Variants in PRRT1 observed in about 807,000 individuals in gnomAD.
PRRT1 encodes proline rich transmembrane protein 1, also known as proline-rich transmembrane protein 1.
PRRT1 carries 8 observed loss-of-function variants against 22.6 expected under a neutral mutation model. The observed-to-expected ratio is 0.35, with a 90% confidence interval of 0.21 to 0.64. The LOEUF is 0.64. Among genes scored for constraint, PRRT1 ranks in the 30% least tolerant of loss-of-function variants. PRRT1 has a pLI of 0.69. For missense variants in PRRT1, 315 were observed against 444.5 expected (o/e 0.71, Z 2.62); for synonymous variants, 176 against 203.6 (o/e 0.86, Z 1.15).
At chr6:32,152,437 A>C (rs1342170813), upstream of PRRT1, among the ~76,000 whole-genome samples, 1 of 152,152 alleles carries the variant, frequency 6.6e-6, no homozygotes. Flanking sequence ...GATGGTCTGA[A>C]AAGTTCCCAG....
At position 32,150,561 on chromosome 6, in the gene PRRT1, A is replaced by T; in HGVS notation, c.365T>A (p.Leu122His). 3.7e-6 allele frequency: 5 copies of T among 1,360,088 alleles called. No individual in the cohort carries two copies. Among genetic ancestry groups the T allele is most frequent in the Non-Finnish European group, 4.7e-6 (5 of 1,059,546 alleles). 84.3% of individuals were successfully genotyped at this position (1,360,088 alleles called of 1,614,324 possible). A position where few individuals can be genotyped will look rare whatever the true frequency, so the allele number is the denominator to read the frequency against. ...YLQETRFEGP[L>H]PPPPPAAAAP... The stretch of plus-strand genomic sequence containing the variant: ...GGCGGCAGCGGGCGGCGGCGGGGGA[A>T]GTGGGCCCTCGAAGCGAGTCTCCTG... Residue 122 changes from leucine (L) to histidine (H), a missense_variant, in exon 2 of 4, where the codon CTT (leucine) becomes CAT (histidine). Leu to His is a moderately conservative substitution (Grantham distance 99). Around this residue, in one of 4 missense-constraint regions of PRRT1, gnomAD observed 263 missense variants for 328.5 expected, o/e 0.80. Coordinates refer to ENST00000211413, the MANE Select transcript of PRRT1 (RefSeq NM_030651.4). The surrounding 1 kb of genome is among the most constrained non-coding windows in gnomAD (Gnocchi z 7.2).
Position 32,149,076 on chromosome 6 carries a change from C to T in PRRT1, c.*146G>A. 1 of 891,670 alleles carries T rather than the reference C, an allele frequency of 1.1e-6. No homozygotes were observed. The highest frequency in any genetic ancestry group is 1.8e-6 in the Non-Finnish European group (1 of 548,004). 55.2% of individuals were successfully genotyped at this position (891,670 alleles called of 1,614,324 possible). A position where few individuals can be genotyped will look rare whatever the true frequency, so the allele number is the denominator to read the frequency against. On this transcript the variant is annotated 3_prime_UTR_variant, in exon 4 of 4. Coordinates refer to ENST00000211413, the MANE Select transcript of PRRT1 (RefSeq NM_030651.4). The surrounding 1 kb of genome is among the most constrained non-coding windows in gnomAD (Gnocchi z 8.7). ...TTCCGAGCTTGCTCGCAAGGCGAGA[C>T]GTTCCGTGGAGGCGGAGTTTACGAT...
chr6:32,151,951 C>CGCGGGGGGGGGGG, upstream of PRRT1: 2 of 214,882 alleles, frequency 9.3e-6, no homozygotes, highest in Non-Finnish European at 8.4e-6. Flanking sequence ...AAGGCAGCGG[C>CGCGGGGGGGGGGG]GGGGGGGGGG....
At chr6:32,151,568 C>T (rs777928921) in intron 1 of PRRT1, 2 of 584,762 alleles carry the variant, frequency 3.4e-6, no homozygotes, top group Non-Finnish European at 6.1e-6. Flanking sequence ...CCTCCTTCAC[C>T]CTCTCAACCT....
chr6:32,151,389 A>C (rs911218473), intron 1 of PRRT1: 5 of 403,468 alleles, frequency 1.2e-5, no homozygotes, highest in African/African-American at 2.1e-5. Flanking sequence ...CTCTGTGAGA[A>C]TCTCGGGACC....
Position 32,149,582 on chromosome 6 carries a change from A to T in PRRT1, c.699T>A (p.Cys233Ter). The T allele has an allele frequency of 1.2e-6, 2 of 1,613,096 alleles. No homozygotes were observed. The highest frequency in any genetic ancestry group is 1.7e-6 in the Non-Finnish European group (2 of 1,180,026). ...CAATGATGCCAGTAGGCCAGAAGCA[A>T]CAGATGGTGGTCAGCACCGCGATGG... is the stretch of plus-strand genomic sequence containing the variant. The part of the protein sequence containing the change: ...YMPIAVLTTI[C>*]CFWPTGIIAI... The change falls in exon 3 of 4, where the codon TGT becomes TGA. Residue 233 changes from cysteine to a stop codon, truncating the protein, a stop_gained. Coordinates refer to ENST00000211413, the MANE Select transcript of PRRT1 (RefSeq NM_030651.4). LOFTEE classifies it high-confidence loss of function. The surrounding 1 kb of genome is among the most constrained non-coding windows in gnomAD (Gnocchi z 8.7).
In PRRT1 at chr6:32,149,508, C is replaced by T. The variant is rs1440571856; in HGVS notation, c.744+29G>A. 3 of 1,612,136 alleles carry T rather than the reference C, an allele frequency of 1.9e-6. No individual in the cohort carries two copies. The highest frequency in any genetic ancestry group is 1.3e-5 in the African/African-American group (1 of 74,918). On this transcript the variant is annotated intron_variant, in intron 3 of 3. Transcript: ENST00000211413. This position sits in a 1 kb window ranked among gnomAD's most constrained non-coding sequence, Gnocchi z 8.7. ...ACGCCCAGAACTCCCTGTCCCCGCCCCCAAACCGAGTATGCCCCTGCCCCC... is the reference window on the plus strand; with the variant it reads ...ACGCCCAGAACTCCCTGTCCCCGCCTCCAAACCGAGTATGCCCCTGCCCCC...
rs1783130781 is a variant in PRRT1, at chr6:32,149,312, G to C, written c.831C>G (p.Ala277=). ...AGAGCACCATGGCCGCGATGCCCAC[G>C]GCCAGGGAGATGAAGGAGAAGTTCC... The part of the protein sequence containing the change: ...EARNFSFISL[A]VGIAAMVLCT... Residue 277 remains alanine, a synonymous_variant, in exon 4 of 4, where the codon GCC becomes GCG. Coordinates refer to ENST00000211413, the MANE Select transcript of PRRT1 (RefSeq NM_030651.4). The surrounding 1 kb of genome is among the most constrained non-coding windows in gnomAD (Gnocchi z 8.7). 5 of 1,610,398 alleles carry C rather than the reference G, an allele frequency of 3.1e-6. 1 individual carries two copies. The East Asian group carries it at 1.1e-4, about 36-fold the overall frequency.
chr6:32,148,466 G>A lies in PRRT1; in HGVS notation c.*756C>T, dbSNP rs1323191938. ...AGGGGAGCGGGGAGCGGGGACTTGG[G>A]AGGTCCATAGCCTGGATTCCCTTCT... is the stretch of plus-strand genomic sequence containing the variant. On this transcript the variant is annotated 3_prime_UTR_variant, in exon 4 of 4. Coordinates refer to ENST00000211413, the MANE Select transcript of PRRT1 (RefSeq NM_030651.4). This position sits in a 1 kb window ranked among gnomAD's most constrained non-coding sequence, Gnocchi z 5.7. 7.5e-6 allele frequency: 2 copies of A among 267,464 alleles called. No individual in the cohort carries two copies. The highest frequency in any genetic ancestry group is 1.5e-5 in the Non-Finnish European group (2 of 133,038). The allele number at this position is 267,464 out of a possible 1,614,324, so 16.6% of individuals were successfully genotyped here.
Position 32,150,443 on chromosome 6 carries a change from C to T in PRRT1, c.483G>A (p.Gly161=). The change falls in exon 2 of 4, where the codon GGG becomes GGA. Residue 161 remains glycine (G), a synonymous_variant. Coordinates refer to ENST00000211413, the MANE Select transcript of PRRT1 (RefSeq NM_030651.4). This position sits in a 1 kb window ranked among gnomAD's most constrained non-coding sequence, Gnocchi z 7.2. ...GGGGGTATCCGGGCGCTACGTAGCC[C>T]CCCAGCGGCAGCGTGCCCACAGTCC... ...HAGTVGTLPL[G]GYVAPGYPLQ... The T allele has an allele frequency of 6.6e-7, 1 of 1,524,520 alleles. No homozygotes were observed. Among genetic ancestry groups the T allele is most frequent in the South Asian group, 1.3e-5 (1 of 79,750 alleles). 94.4% of individuals were successfully genotyped at this position (1,524,520 alleles called of 1,614,324 possible).
chr6:32,152,389 T>G (rs1374391303), upstream of PRRT1, among the ~76,000 whole-genome samples: 1 of 152,072 alleles, frequency 6.6e-6, no homozygotes, highest in Admixed American at 6.5e-5. Context: ...AGATAAATAC[T>G]TGTGTGTGAG....
At chr6:32,152,330 C>T (rs1157667752), upstream of PRRT1, among the ~76,000 whole-genome samples, 1 of 152,130 alleles carries the variant, frequency 6.6e-6, no homozygotes, top group Non-Finnish European at 1.5e-5. Context: ...CTGCAAGGTG[C>T]CAGGGTCTTC....
upstream of PRRT1, chr6:32,151,955 G>GGGGGGGGGGGGGGGGGGGGT: frequency 3.2e-6 from 1 of 313,678 alleles, no homozygotes; most frequent in Non-Finnish European, 6.2e-6. Flanking sequence ...CAGCGGCGGG[G>GGGGGGGGGGGGGGGGGGGGT]GGGGGGGGCG....
Position 32,151,876 on chromosome 6 carries a change from T to C in PRRT1, c.-49A>G. ...GTCCCTGCAGCCGGAGTGGGGGTCC[T>C]CGGCCGGTGCTGGAGTCTGGGTGCT... On this transcript the variant is annotated 5_prime_UTR_variant, in exon 1 of 4. Coordinates refer to ENST00000211413, the MANE Select transcript of PRRT1 (RefSeq NM_030651.4). 1 of 1,586,740 alleles carries C rather than the reference T, an allele frequency of 6.3e-7. No homozygotes were observed. The highest frequency in any genetic ancestry group is 8.6e-7 in the Non-Finnish European group (1 of 1,161,662).
In PRRT1 at chr6:32,148,754, G is replaced by T; in HGVS notation, c.*468C>A. 2.1e-6 allele frequency: 1 copy of T among 468,494 alleles called. No individual in the cohort carries two copies. The allele number at this position is 468,494 out of a possible 1,614,324, so 29.0% of individuals were successfully genotyped here. A position where few individuals can be genotyped will look rare whatever the true frequency, so the allele number is the denominator to read the frequency against. Reference sequence around the variant, plus strand: ...TCCTTTTGCCGGAAGAAAGGGAGGGGTCTGTCCGTCTGTGGGCGAGGCCTG... The same window carrying T: ...TCCTTTTGCCGGAAGAAAGGGAGGGTTCTGTCCGTCTGTGGGCGAGGCCTG... On this transcript the variant is annotated 3_prime_UTR_variant, in exon 4 of 4. Coordinates refer to ENST00000211413, the MANE Select transcript of PRRT1 (RefSeq NM_030651.4). This position sits in a 1 kb window ranked among gnomAD's most constrained non-coding sequence, Gnocchi z 5.7.
Position 32,148,724 on chromosome 6 carries a change from C to A in PRRT1, c.*498G>T, listed in dbSNP as rs749467306. On this transcript the variant is annotated 3_prime_UTR_variant, in exon 4 of 4. Transcript: ENST00000211413. This position sits in a 1 kb window ranked among gnomAD's most constrained non-coding sequence, Gnocchi z 5.7. ...GTGTGGGGGCCTTACTACCCCAGGG[C>A]TCGGTCCTTTTGCCGGAAGAAAGGG... 2 of 455,936 alleles carry A rather than the reference C, an allele frequency of 4.4e-6. No individual in the cohort carries two copies. The highest frequency in any genetic ancestry group is 3.1e-5 in the South Asian group (2 of 64,436). 28.2% of individuals were successfully genotyped at this position (455,936 alleles called of 1,614,324 possible). A position where few individuals can be genotyped will look rare whatever the true frequency, so the allele number is the denominator to read the frequency against.
chr6:32,150,916 G>A lies in PRRT1; in HGVS notation c.20-10C>T. On this transcript the variant is annotated splice_polypyrimidine_tract_variant and intron_variant, in intron 1 of 3. Transcript: ENST00000211413. This position sits in a 1 kb window ranked among gnomAD's most constrained non-coding sequence, Gnocchi z 7.2. ...ACTGAGTCTGGGAGTCCTGGGGGAGGTGAGTGGAGGAGAGTATAAGAGGAA... is the reference window on the plus strand; with the variant it reads ...ACTGAGTCTGGGAGTCCTGGGGGAGATGAGTGGAGGAGAGTATAAGAGGAA... 1.3e-6 allele frequency: 2 copies of A among 1,565,056 alleles called. No homozygotes were observed. Among genetic ancestry groups the A allele is most frequent in the Non-Finnish European group, 1.7e-6 (2 of 1,160,660 alleles).
upstream of PRRT1, among the ~76,000 whole-genome samples, chr6:32,152,547 C>T (rs942622079): frequency 6.6e-6 from 1 of 152,106 alleles, no homozygotes; most frequent in Non-Finnish European, 1.5e-5. Flanking sequence ...AGAGTTTGGG[C>T]GGTGTGCATA....
chr6:32,148,456 G>C lies in PRRT1; in HGVS notation c.*766C>G, dbSNP rs1783080984. The C allele has an allele frequency of 3.9e-6, 1 of 254,538 alleles. No homozygotes were observed. Among genetic ancestry groups the C allele is most frequent in the African/African-American group, 2.2e-5 (1 of 45,230 alleles). The allele number at this position is 254,538 out of a possible 1,614,324, so 15.8% of individuals were successfully genotyped here. ...GGGGCCGCCGAGGGGAGCGGGGAGC[G>C]GGGACTTGGGAGGTCCATAGCCTGG... On this transcript the variant is annotated 3_prime_UTR_variant, in exon 4 of 4. Transcript: ENST00000211413. The surrounding 1 kb of genome is among the most constrained non-coding windows in gnomAD (Gnocchi z 5.7).
Sources: gnomAD v4.1 joint callset for allele counts (sites outside exome capture counted in the v4.1 genomes callset) on GRCh38, gnomAD v4.1.1 for gene constraint, gnomAD v4.1.1 regional missense constraint, Gnocchi (gnomAD v3.1) non-coding constraint, MANE v1.5 for transcripts, NCBI Gene and HGNC (gene_info 2026-07-23, HGNC 2026-07-21) for gene names.